Variants in OTOG observed in about 807,000 individuals in gnomAD.
The protein encoded by OTOG is otogelin.
In OTOG, 296 loss-of-function variants were observed where a neutral mutation model predicts 313.8. The ratio of observed to expected loss-of-function variants is 0.94; its 90% CI spans 0.86 to 1.04. OTOG has a LOEUF of 1.04. Ranked by LOEUF, OTOG falls within the 50% of genes least tolerant of loss-of-function variation. The probability of loss-of-function intolerance (pLI) is 0.00; values close to 1 mark genes in which losing one functional copy is unlikely to be tolerated. For synonymous variants in OTOG, 1,533 were observed against 1,554.9 expected, an observed-to-expected ratio of 0.99 and a Z score of 0.33; for missense variants, 3,948 against 3,840.1, an observed-to-expected ratio of 1.03 and a Z score of -0.74.
intron 15 of OTOG, among the ~76,000 whole-genome samples, chr11:17,563,681 TC>T (rs568965822): frequency 1.8e-4 from 26 of 144,280 alleles, no homozygotes; most frequent in African/African-American, 7.1e-4. Context: ...TTACTCAGAA[TC>T]CCCCCCTTTT....
At position 17,594,072 on chromosome 11, in the gene OTOG, A is replaced by T. The variant is rs1853027287; in HGVS notation, c.3314A>T (p.Asn1105Ile). The change falls in exon 28 of 56, where the codon AAC becomes ATC. Residue 1105 changes from asparagine to isoleucine, a missense_variant. Asn to Ile is a moderately radical substitution (Grantham distance 149, BLOSUM62 -3). Transcript: ENST00000399397. ...WQGQLAGLCG[N>I]FDLKTINEMR... The stretch of plus-strand genomic sequence containing the variant: ...GGCCAGCTGGCGGGCCTCTGTGGGA[A>T]CTTTGACTTAAAAACCATCAATGAG... The T allele has an allele frequency of 6.4e-7, 1 of 1,550,572 alleles. No homozygotes were observed. Among genetic ancestry groups the T allele is most frequent in the Non-Finnish European group, 8.7e-7 (1 of 1,146,990 alleles).
In OTOG at chr11:17,574,886, C is replaced by A; in HGVS notation, c.2460C>A (p.Asp820Glu). The A allele has an allele frequency of 6.5e-7, 1 of 1,530,996 alleles. No homozygotes were observed. The allele number at this position is 1,530,996 out of a possible 1,614,324, so 94.8% of individuals were successfully genotyped here. Reference sequence around the variant, plus strand: ...CCTGCCCACCGGACACCTATCTGGACACCCAGGCTGACCTCTGTGTCCCCC... The same window carrying A: ...CCTGCCCACCGGACACCTATCTGGAAACCCAGGCTGACCTCTGTGTCCCCC... ...GCACPPDTYL[D>E]TQADLCVPRN... Residue 820 changes from aspartate (D) to glutamate (E), a missense_variant, in exon 20 of 56, where the codon GAC becomes GAA. Transcript: ENST00000399397.
In OTOG at chr11:17,610,633, C is replaced by T; in HGVS notation, c.5333C>T (p.Ala1778Val). 1.3e-6 allele frequency: 2 copies of T among 1,550,690 alleles called. No homozygotes were observed. The highest frequency in any genetic ancestry group is 1.7e-6 in the Non-Finnish European group (2 of 1,147,000). ...CCAGCTGCCGCCAGCCTGTCAACAG[C>T]CACTGATGGGCTGGCAGCCACACCC... ...ETPAAASLST[A>V]TDGLAATPFM... is the part of the protein sequence containing the mutation. Residue 1778 changes from alanine to valine, a missense_variant, in exon 36 of 56, where the codon GCC (alanine) becomes GTC (valine). Ala to Val is a moderately conservative substitution (Grantham distance 64). Transcript: ENST00000399397.
At chr11:17,613,822 CT>C (rs1390236362) in intron 39 of OTOG, 121 bp downstream of exon 39, 23 of 748,672 alleles carry the variant, frequency 3.1e-5, no homozygotes, top group South Asian at 3.4e-5. Flanking sequence ...GGGAGGGGAC[CT>C]TTTTTTAGAA....
chr11:17,556,114 C>A (rs567688923), intron 7 of OTOG, among the ~76,000 whole-genome samples: 1 of 152,180 alleles, frequency 6.6e-6, no homozygotes, highest in Admixed American at 6.5e-5. Context: ...TCAGATATTG[C>A]AGATTTCCAG....
chr11:17,559,734 T>C (rs748232562), intron 12 of OTOG, 72 bp downstream of exon 12: 7 of 1,480,818 alleles, frequency 4.7e-6, no homozygotes, highest in Non-Finnish European at 6.4e-6. Flanking sequence ...GAAACAGGAG[T>C]TCAGAAGATA....
chr11:17,610,605 A>AC lies in OTOG; in HGVS notation c.5309dup (p.Ala1771SerfsTer10). The AC allele has an allele frequency of 6.5e-7, 1 of 1,550,266 alleles. No individual in the cohort carries two copies. The highest frequency in any genetic ancestry group is 8.7e-7 in the Non-Finnish European group (1 of 1,146,850). On this transcript the variant is annotated frameshift_variant, in exon 36 of 56. Transcript: ENST00000399397. LOFTEE classifies it high-confidence loss of function. Reference sequence around the variant, plus strand: ...CAGGTCTCCAGCTCTGCCCCCAGAGACCCCAGCTGCCGCCAGCCTGTCAAC... The same window carrying AC: ...CAGGTCTCCAGCTCTGCCCCCAGAGACCCCCAGCTGCCGCCAGCCTGTCAAC...
intron 48 of OTOG, chr11:17,638,917 G>A: frequency 1.7e-6 from 1 of 597,340 alleles, no homozygotes; most frequent in Non-Finnish European, 2.7e-6. Flanking sequence ...CCAAGACGGT[G>A]AAACCCTGTG....
chr11:17,616,825 C>T (rs918314605), intron 39 of OTOG, among the ~76,000 whole-genome samples: 2 of 152,158 alleles, frequency 1.3e-5, no homozygotes, highest in African/African-American at 4.8e-5. Flanking sequence ...TTATTTCTTC[C>T]TTTCCAATGA....
chr11:17,598,591 G>T (rs553062917), intron 30 of OTOG, among the ~76,000 whole-genome samples: 1 of 152,256 alleles, frequency 6.6e-6, no homozygotes, highest in East Asian at 1.9e-4. Context: ...TGTACGTAGC[G>T]GTCCCACCTT....
chr11:17,613,521 G>C (rs1177126054), intron 38 of OTOG, 91 bp from the exon 39 acceptor site: 3 of 1,081,780 alleles, frequency 2.8e-6, no homozygotes, highest in Non-Finnish European at 4.1e-6. Flanking sequence ...GGTAGTCAGG[G>C]GAGACTGTAC....
At chr11:17,563,860 T>TG (rs961344512) in intron 15 of OTOG, among the ~76,000 whole-genome samples, 42 of 147,610 alleles carry the variant, frequency 2.8e-4, no homozygotes, top group Non-Finnish European at 4.5e-4. Context: ...TTTGGTTTTT[T>TG]TTTTTTTTTT....
chr11:17,593,383 G>A, intron 26 of OTOG, 56 bp downstream of exon 26: 2 of 1,532,810 alleles, frequency 1.3e-6, no homozygotes, highest in South Asian at 2.4e-5. Context: ...ACCAGGGTTG[G>A]GGCAGAAGAG....
chr11:17,640,972 G>T lies in OTOG; in HGVS notation c.8071G>T (p.Val2691Leu). The change falls in exon 51 of 56, where the codon GTG (valine) becomes TTG (leucine). Residue 2691 changes from valine to leucine, a missense_variant. Physicochemically the swap from Val to Leu is conservative, Grantham distance 32. Coordinates refer to ENST00000399397, the MANE Select transcript of OTOG (RefSeq NM_001292063.2). ...LGVMQPGQTV[V>L]ELSADGVCHT... ...TGTGATGCAGCCCGGCCAGACAGTG[G>T]TGGAGCTCTCAGCAGATGGCGTGTG... 6.5e-7 allele frequency: 1 copy of T among 1,548,512 alleles called. No individual in the cohort carries two copies.
chr11:17,631,550 T>G (rs1415185927), intron 40 of OTOG, among the ~76,000 whole-genome samples, 152 bp from the exon 41 acceptor site: 1 of 152,232 alleles, frequency 6.6e-6, no homozygotes, highest in Non-Finnish European at 1.5e-5. Context: ...GCAGGTTTCC[T>G]AGCTTCCCTT....
intron 38 of OTOG, among the ~76,000 whole-genome samples, chr11:17,613,374 C>CCTTCCTTCCTTCCTTCCCTCCCTCCT (rs1565119211): frequency 8.0e-5 from 6 of 74,718 alleles, no homozygotes; most frequent in African/African-American, 3.2e-4. Context: ...CCTTCCTTCC[C>CCTTCCTTCCTTCCTTCCCTCCCTCCT]TCCTTCCTTC....
chr11:17,607,371 G>A (rs1853415457), intron 33 of OTOG, among the ~76,000 whole-genome samples: 2 of 152,148 alleles, frequency 1.3e-5, no homozygotes, highest in Admixed American at 6.5e-5. Flanking sequence ...GGTAGCCTGG[G>A]GTCTACTTGT....
At chr11:17,645,352 A>G (rs1262743539) in intron 54 of OTOG, among the ~76,000 whole-genome samples, 1 of 152,142 alleles carries the variant, frequency 6.6e-6, no homozygotes, top group Admixed American at 6.5e-5. Context: ...TCACTTGCTC[A>G]CACTGCTCTG....
chr11:17,612,714 C>G lies in OTOG; in HGVS notation c.6387C>G (p.Ser2129Arg). 6.4e-7 allele frequency: 1 copy of G among 1,550,588 alleles called. No individual in the cohort carries two copies. The highest frequency in any genetic ancestry group is 8.7e-7 in the Non-Finnish European group (1 of 1,146,970). The change falls in exon 38 of 56, where the codon AGC becomes AGG. Residue 2129 changes from serine to arginine, a missense_variant. Ser to Arg is a moderately radical substitution (Grantham distance 110). Transcript: ENST00000399397. Reference sequence around the variant, plus strand: ...AGGCCATCTACATCCTCAGCCAGAGCCCAGATGAAATGCTCACCGTCCATG... The same window carrying G: ...AGGCCATCTACATCCTCAGCCAGAGGCCAGATGAAATGCTCACCGTCCATG... ...FKEAIYILSQ[S>R]PDEMLTVHVL...
Sources: gnomAD v4.1 joint callset for allele counts (sites outside exome capture counted in the v4.1 genomes callset) on GRCh38, gnomAD v4.1.1 for gene constraint, MANE v1.5 for transcripts, NCBI Gene and HGNC (gene_info 2026-07-23, HGNC 2026-07-21) for gene names.